Variants in NXPE2 observed in about 807,000 individuals in gnomAD.
NXPE2 encodes the protein NXPE family member 2.
In NXPE2, 34 loss-of-function variants were observed where a neutral mutation model predicts 34.4. The ratio of observed to expected loss-of-function variants is 0.99; its 90% CI spans 0.75 to 1.31. NXPE2 has a LOEUF of 1.31. NXPE2 is among the 40% of genes most tolerant of loss of function. The probability of loss-of-function intolerance (pLI) is 0.00; values close to 1 mark genes in which losing one functional copy is unlikely to be tolerated. For missense variants in NXPE2, 649 were observed against 672.5 expected (o/e 0.97, Z 0.39); for synonymous variants, 235 against 231.3 (o/e 1.02, Z -0.15).
chr11:114,694,440 T>A (rs1951211054), intron 2 of NXPE2, among the ~76,000 whole-genome samples: 1 of 152,226 alleles, frequency 6.6e-6, no homozygotes, highest in Non-Finnish European at 1.5e-5. Context: ...GTATTCTTCC[T>A]GCTTGGTGCC....
At chr11:114,793,820 G>T in the NXPE2 span, among the ~76,000 whole-genome samples, 9 of 152,230 alleles carry the variant, frequency 5.9e-5, no homozygotes, top group East Asian at 1.7e-3. Flanking sequence ...AGAGAATTTC[G>T]TTCAGCTCAG....
At chr11:114,539,399 G>A in the NXPE2 span, among the ~76,000 whole-genome samples, 38 of 151,012 alleles carry the variant, frequency 2.5e-4, no homozygotes, top group South Asian at 8.4e-4. Flanking sequence ...AAACCTGCAC[G>A]TTGTGCACAT....
chr11:114,555,716 T>A, the NXPE2 span, among the ~76,000 whole-genome samples: 1 of 152,196 alleles, frequency 6.6e-6, no homozygotes, highest in Non-Finnish European at 1.5e-5. Flanking sequence ...AATCACAGAT[T>A]TAGTTTTTGG....
chr11:114,491,294 A>G, the NXPE2 span, among the ~76,000 whole-genome samples: 4 of 152,108 alleles, frequency 2.6e-5, no homozygotes. Context: ...CAGAATCTAC[A>G]AAGAATTCAA....
chr11:114,490,180 C>G, the NXPE2 span, among the ~76,000 whole-genome samples: 7 of 152,294 alleles, frequency 4.6e-5, no homozygotes, highest in East Asian at 7.7e-4. Flanking sequence ...AGAAGAACTA[C>G]AAACCACTGC....
the NXPE2 span, among the ~76,000 whole-genome samples, chr11:114,732,948 A>G: frequency 6.6e-6 from 1 of 152,152 alleles, no homozygotes; most frequent in African/African-American, 2.4e-5. Flanking sequence ...TTTAATTCAC[A>G]TGATATTCCA....
the NXPE2 span, among the ~76,000 whole-genome samples, chr11:114,549,669 A>G: frequency 6.6e-6 from 1 of 152,092 alleles, no homozygotes; most frequent in Non-Finnish European, 1.5e-5. Flanking sequence ...CAAAATCAGG[A>G]ACAAGACAAG....
the NXPE2 span, among the ~76,000 whole-genome samples, chr11:114,481,173 T>C: frequency 6.6e-6 from 1 of 152,196 alleles, no homozygotes; most frequent in East Asian, 1.9e-4. Context: ...TTCCCACTTT[T>C]GACAGAAGGC....
At chr11:114,536,481 A>T in the NXPE2 span, among the ~76,000 whole-genome samples, 1 of 152,208 alleles carries the variant, frequency 6.6e-6, no homozygotes, top group Admixed American at 6.5e-5. Flanking sequence ...AAAAAAATCA[A>T]TGAATCCAGG....
At chr11:114,615,509 A>AT in the NXPE2 span, among the ~76,000 whole-genome samples, 1 of 145,942 alleles carries the variant, frequency 6.9e-6, no homozygotes, top group Non-Finnish European at 1.5e-5. Context: ...TGGATAATAC[A>AT]TGTTGCCTCA....
At chr11:114,743,247 A>T in the NXPE2 span, among the ~76,000 whole-genome samples, 7 of 131,804 alleles carry the variant, frequency 5.3e-5, no homozygotes, top group African/African-American at 2.1e-4. Flanking sequence ...TGCACCAGAG[A>T]CATTAACTTA....
the NXPE2 span, among the ~76,000 whole-genome samples, chr11:114,638,773 A>G: frequency 4.7e-3 from 713 of 152,066 alleles, 17 homozygotes; most frequent in African/African-American, 0.016. Flanking sequence ...TGTCTGCAGA[A>G]CAGCGGATTT....
chr11:114,591,644 G>C, the NXPE2 span, among the ~76,000 whole-genome samples: 1 of 152,142 alleles, frequency 6.6e-6, no homozygotes, highest in African/African-American at 2.4e-5. Context: ...GATGACTACA[G>C]TCAGAATATG....
chr11:114,618,404 A>T, the NXPE2 span, among the ~76,000 whole-genome samples: 9 of 149,780 alleles, frequency 6.0e-5, no homozygotes, highest in African/African-American at 2.0e-4. Flanking sequence ...GATAATAAGT[A>T]TTGCCTCATG....
At chr11:114,497,397 T>G in the NXPE2 span, among the ~76,000 whole-genome samples, 31 of 152,192 alleles carry the variant, frequency 2.0e-4, no homozygotes, top group Non-Finnish European at 3.7e-4. Flanking sequence ...ACTGACTCAG[T>G]CAGAGCAACT....
chr11:114,810,837 G>A, the NXPE2 span, among the ~76,000 whole-genome samples: 4 of 151,932 alleles, frequency 2.6e-5, no homozygotes, highest in Admixed American at 2.6e-4. Context: ...CCCATTACTG[G>A]GTATATACCC....
the NXPE2 span, chr11:114,570,917 A>G: frequency 0.011 from 16,673 of 1,519,512 alleles, 118 homozygotes; most frequent in Middle Eastern, 0.015. Context: ...TAAGTGAATG[A>G]ATTTCAGACT....
Position 114,698,122 on chromosome 11 carries a change from A to C in NXPE2, c.210A>C (p.Pro70=), listed in dbSNP as rs763962749. The stretch of plus-strand genomic sequence containing the variant: ...AAAAATATTCACACTCTGAAACACC[A>C]CTGTGTCCAGCAGTTTCACCAAAAG... ...IFKKYSHSET[P]LCPAVSPKET... Residue 70 remains proline, a synonymous_variant, in exon 3 of 6, where the codon CCA becomes CCC. Coordinates refer to ENST00000389586, the MANE Select transcript of NXPE2 (RefSeq NM_182495.6). 1 of 1,613,806 alleles carries C rather than the reference A, an allele frequency of 6.2e-7. No individual in the cohort carries two copies. The highest frequency in any genetic ancestry group is 8.5e-7 in the Non-Finnish European group (1 of 1,179,780).
At chr11:114,563,013 G>C in the NXPE2 span, among the ~76,000 whole-genome samples, 4 of 152,156 alleles carry the variant, frequency 2.6e-5, no homozygotes, top group Admixed American at 6.5e-5. Context: ...AACTGTGCTA[G>C]TACCAATCAC....
Sources: allele counts gnomAD v4.1 joint callset (sites outside exome capture counted in the v4.1 genomes callset), GRCh38; gene constraint gnomAD v4.1.1; transcripts MANE v1.5; gene names NCBI Gene and HGNC (gene_info 2026-07-23, HGNC 2026-07-21).